The following C6 variants were observed in gnomAD, a reference collection of about 807,000 sequenced individuals.
C6 encodes the protein complement component C6.
C6 carries 101 observed loss-of-function variants against 112.9 expected under a neutral mutation model. That is an observed-to-expected ratio of 0.89 (90% CI 0.76 to 1.06). The LOEUF is 1.06. Among genes scored for constraint, C6 ranks in the 50% least tolerant of loss-of-function variants. The pLI is 0.00. For synonymous variants in C6, 431 were observed against 384.1 expected (o/e 1.12, Z -1.43); for missense variants, 1,202 against 1,104.6 (o/e 1.09, Z -1.25).
chr5:41,162,820 C>CA (rs1295853186), intron 9 of C6, among the ~76,000 whole-genome samples: 1 of 152,080 alleles, frequency 6.6e-6, no homozygotes, highest in Non-Finnish European at 1.5e-5. Flanking sequence ...GTGCATAACA[C>CA]AACACAGGTA....
intron 9 of C6, among the ~76,000 whole-genome samples, chr5:41,163,307 G>T (rs1432620955): frequency 7.2e-6 from 1 of 138,606 alleles, no homozygotes; most frequent in Non-Finnish European, 1.6e-5. Flanking sequence ...ATTTATCAAT[G>T]AACTTTTTTT....
chr5:41,192,931 T>C (rs996605540), intron 5 of C6, among the ~76,000 whole-genome samples: 1 of 152,208 alleles, frequency 6.6e-6, no homozygotes, highest in East Asian at 1.9e-4. Context: ...ACTTTGGGTA[T>C]GTTGAAAACA....
At position 41,258,592 on chromosome 5, in the gene C6, T is replaced by C. The variant is rs112733928; in HGVS notation, c.-21+2602A>G. On this transcript the variant is annotated intron_variant, in intron 1 of 17. Coordinates refer to the C6 transcript ENST00000263413. ...TTGAAAGCTTCAAAGAATTTACTTA[T>C]ATTGAACAGGTCTTAGAGGGAAAGA... 9.8e-3 allele frequency among the ~76,000 whole-genome samples: 1,487 copies of C among 152,310 alleles called. 31 individuals are homozygous for C. Among genetic ancestry groups the C allele is most frequent in the African/African-American group, 0.034 (1,412 of 41,560 alleles).
rs769463149 is a variant in C6, at chr5:41,176,761, TTTGAAGTACC to T, written c.928-56_928-47del. The T allele has an allele frequency of 1.9e-5, 29 of 1,543,766 alleles. No homozygotes were observed. In the African/African-American group the frequency reaches 3.8e-4, roughly 20 times the overall value. On this transcript the variant is annotated intron_variant, in intron 7 of 17. Coordinates refer to ENST00000337836, the MANE Select transcript of C6 (RefSeq NM_000065.5). ...AAAAGATGATTAAAGGTAATGAAAG[TTTGAAGTACC>T]TAGCATTTAAATGTCATTGATTTAT...
intron 1 of C6, among the ~76,000 whole-genome samples, chr5:41,249,079 C>T (rs1044707776): frequency 6.6e-6 from 1 of 152,136 alleles, no homozygotes; most frequent in Non-Finnish European, 1.5e-5. Context: ...TGTATATTCT[C>T]ACTTCTAAGT....
intron 9 of C6, among the ~76,000 whole-genome samples, chr5:41,170,087 T>G (rs1748301599): frequency 6.6e-6 from 1 of 152,140 alleles, no homozygotes; most frequent in Non-Finnish European, 1.5e-5. Context: ...AATTCTTCCT[T>G]TATTTCAGAG....
intron 5 of C6, among the ~76,000 whole-genome samples, chr5:41,189,413 A>C (rs544810093): frequency 6.6e-6 from 1 of 152,112 alleles, no homozygotes; most frequent in South Asian, 2.1e-4. Context: ...ACAATGTGAT[A>C]GAATGATACA....
intron 1 of C6, among the ~76,000 whole-genome samples, chr5:41,228,065 G>A (rs1261013932): frequency 1.3e-5 from 2 of 151,976 alleles, no homozygotes; most frequent in African/African-American, 4.8e-5. Flanking sequence ...TGGTAGTATG[G>A]ACATTTTAAC....
chr5:41,159,282 G>A (rs775710383), intron 11 of C6, 29 bp from the exon 12 acceptor site: 1 of 1,609,038 alleles, frequency 6.2e-7, no homozygotes, highest in Non-Finnish European at 8.5e-7. Flanking sequence ...CACTCCCATG[G>A]ATCATGGTGC....
intron 12 of C6, 74 bp from the exon 13 acceptor site, chr5:41,158,859 G>T: frequency 1.0e-6 from 1 of 998,460 alleles, no homozygotes; most frequent in Non-Finnish European, 1.6e-6. Flanking sequence ...ATGCTTATGT[G>T]TATACATGTG....
chr5:41,150,862 G>A (rs890593897), intron 15 of C6, among the ~76,000 whole-genome samples: 1 of 150,626 alleles, frequency 6.6e-6, no homozygotes, highest in African/African-American at 2.5e-5. Context: ...ACCCAGCCTG[G>A]GCAACAGAGT....
At chr5:41,217,512 G>A (rs769617493), upstream of C6, among the ~76,000 whole-genome samples, 4 of 152,078 alleles carry the variant, frequency 2.6e-5, no homozygotes, top group African/African-American at 4.8e-5. Flanking sequence ...ATTCTCATGT[G>A]TTTGGCAATA....
chr5:41,165,146 A>T (rs940080211), intron 9 of C6, among the ~76,000 whole-genome samples: 1 of 152,150 alleles, frequency 6.6e-6, no homozygotes, highest in African/African-American at 2.4e-5. Flanking sequence ...GCATTCATCT[A>T]TCTTGTTTGT....
chr5:41,149,599 C>G (rs1041397974), intron 16 of C6, 117 bp from the exon 17 acceptor site: 1 of 1,317,830 alleles, frequency 7.6e-7, no homozygotes, highest in African/African-American at 1.4e-5. Flanking sequence ...TTTTCCCCAC[C>G]CCACTCCAAG....
At chr5:41,157,238 C>T (rs10512764) in intron 13 of C6, among the ~76,000 whole-genome samples, 24,138 of 152,088 alleles carry the variant, frequency 0.16, 2,000 homozygotes, top group East Asian at 0.37. Context: ...TCTAACCTTA[C>T]GAAATGAGTT....
chr5:41,251,020 G>A (rs1276302839), intron 1 of C6, among the ~76,000 whole-genome samples: 2 of 152,036 alleles, frequency 1.3e-5, no homozygotes. Flanking sequence ...TATATCTGAA[G>A]ACCTTGAAGC....
At chr5:41,166,187 T>C (rs1747959784) in intron 9 of C6, among the ~76,000 whole-genome samples, 1 of 152,156 alleles carries the variant, frequency 6.6e-6, no homozygotes, top group African/African-American at 2.4e-5. Flanking sequence ...CTATTAACAT[T>C]CTGTAGATGA....
rs542260003 is a variant in C6 at position 41,199,895 on chromosome 5, G to A, written c.318C>T (p.Val106=). 45 of 1,613,690 alleles carry A rather than the reference G, an allele frequency of 2.8e-5. No homozygotes were observed. The South Asian group carries it at 4.9e-4, about 18-fold the overall frequency. The change falls in exon 4 of 18, where the codon GTC becomes GTT. Residue 106 remains valine (V), a synonymous_variant. Transcript: ENST00000337836. The part of the protein sequence containing the change: ...CIEKQSKVRS[V]LRPSQFGGQP... ...GTCCCCCAAACTGACTGGGACGCAA[G>A]ACAGATCTAACTTTAGACTGAAAGG... is the stretch of plus-strand genomic sequence containing the variant.
intron 6 of C6, among the ~76,000 whole-genome samples, chr5:41,184,651 T>C (rs1221186497): frequency 6.6e-6 from 1 of 152,104 alleles, no homozygotes; most frequent in Non-Finnish European, 1.5e-5. Flanking sequence ...TTTGTATTTT[T>C]AGTAGAGACA....
Sources: gnomAD v4.1 joint callset for allele counts (sites outside exome capture counted in the v4.1 genomes callset) on GRCh38, gnomAD v4.1.1 for gene constraint, MANE v1.5 for transcripts, NCBI Gene and HGNC (gene_info 2026-07-23, HGNC 2026-07-21) for gene names.